Variants in MPP7 observed in about 807,000 individuals in gnomAD.
MPP7 encodes MAGUK p55 scaffold protein 7, also known as MAGUK p55 subfamily member 7.
MPP7 carries 60 observed loss-of-function variants against 76.5 expected under a neutral mutation model. The ratio of observed to expected loss-of-function variants is 0.78; its 90% CI spans 0.64 to 0.97. The LOEUF (loss-of-function observed/expected upper bound fraction) is 0.97, where lower values mean the gene tolerates loss of function less well. MPP7 is among the 50% of genes least tolerant of loss of function. The pLI is 0.00. For missense variants in MPP7, 641 were observed against 694.0 expected (o/e 0.92, Z 0.86); for synonymous variants, 237 against 244.5 (o/e 0.97, Z 0.29).
intron 3 of MPP7, among the ~76,000 whole-genome samples, chr10:28,156,533 A>C (rs932054427): frequency 2.0e-5 from 3 of 152,228 alleles, no homozygotes; most frequent in Admixed American, 6.5e-5. Context: ...CTTCAAAAAC[A>C]GTCCAAGTAA....
At position 28,056,739 on chromosome 10, in the gene MPP7, A is replaced by T. The variant is rs577679035; in HGVS notation, c.1408-116T>A. 99 of 772,482 alleles carry T rather than the reference A, an allele frequency of 1.3e-4. No homozygotes were observed. The East Asian group carries it at 2.9e-3, about 23-fold the overall frequency. The allele number at this position is 772,482 out of a possible 1,614,324, so 47.9% of individuals were successfully genotyped here. ...TTCTTTAAGGTCAGTAGTCATTTCA[A>T]TATATTATTATTCAATTAACTGTTG... On this transcript the variant is annotated intron_variant, in intron 15 of 16. Transcript: ENST00000683449.
chr10:28,083,263 A>C (rs1852846668), intron 12 of MPP7, among the ~76,000 whole-genome samples: 1 of 152,238 alleles, frequency 6.6e-6, no homozygotes, highest in Admixed American at 6.5e-5. Context: ...AATACAAAGA[A>C]GAAAGCAAAT....
intron 11 of MPP7, among the ~76,000 whole-genome samples, chr10:28,098,081 ATT>A (rs1360760689): frequency 3.3e-5 from 5 of 152,166 alleles, no homozygotes; most frequent in Admixed American, 6.5e-5. Context: ...ATTAAGAATC[ATT>A]TGTTATTAAA....
chr10:28,315,172 G>A (rs552633599), intron 2 of MPP7, among the ~76,000 whole-genome samples: 57 of 133,168 alleles, frequency 4.3e-4, no homozygotes, highest in African/African-American at 1.4e-3. Context: ...GAGAGAGAGA[G>A]AAAAACAAAG....
chr10:28,211,456 TATATATAG>T (rs895752739), intron 2 of MPP7, among the ~76,000 whole-genome samples: 15 of 149,064 alleles, frequency 1.0e-4, no homozygotes, highest in African/African-American at 3.7e-4. Context: ...TATATATATA[TATATATAG>T]AGAGAGAGAG....
intron 1 of MPP7, among the ~76,000 whole-genome samples, chr10:28,270,532 AG>A (rs71391026): frequency 0.065 from 1,000 of 15,476 alleles, 26 homozygotes; most frequent in African/African-American, 0.24. Context: ...AAAAAAAAAA[AG>A]GGGGGGGGGG....
chr10:28,154,468 G>GC (rs113812866), intron 3 of MPP7, among the ~76,000 whole-genome samples: 22 of 152,248 alleles, frequency 1.4e-4, no homozygotes, highest in African/African-American at 5.3e-4. Context: ...CAGGGTGTTT[G>GC]CAACATCTCT....
intron 3 of MPP7, among the ~76,000 whole-genome samples, chr10:28,167,256 A>G (rs1304395374): frequency 1.3e-5 from 2 of 152,090 alleles, no homozygotes; most frequent in Non-Finnish European, 2.9e-5. Context: ...GGTTGCAGTG[A>G]GCCGAGACGG....
chr10:28,211,753 T>C (rs1002566564), intron 2 of MPP7, among the ~76,000 whole-genome samples: 2 of 151,976 alleles, frequency 1.3e-5, no homozygotes, highest in Non-Finnish European at 2.9e-5. Flanking sequence ...TACTTTTAAC[T>C]GAGGAAGATG....
At chr10:28,081,259 T>C (rs954319127) in intron 12 of MPP7, among the ~76,000 whole-genome samples, 3 of 152,264 alleles carry the variant, frequency 2.0e-5, no homozygotes, top group Non-Finnish European at 4.4e-5. Flanking sequence ...AAAAGTGTTT[T>C]AGTTGCTTTT....
chr10:28,084,338 G>A (rs960138267), intron 12 of MPP7, among the ~76,000 whole-genome samples: 2 of 152,180 alleles, frequency 1.3e-5, no homozygotes, highest in Non-Finnish European at 2.9e-5. Context: ...GAGCAACAAG[G>A]CTTCTCCCTG....
chr10:28,286,119 C>T (rs1044352247), intron 1 of MPP7, among the ~76,000 whole-genome samples: 3 of 151,916 alleles, frequency 2.0e-5, no homozygotes, highest in Non-Finnish European at 2.9e-5. Flanking sequence ...CCGAGGTGGG[C>T]GGATCACAAG....
chr10:28,181,338 A>G (rs1415972858), intron 3 of MPP7, among the ~76,000 whole-genome samples: 1 of 152,212 alleles, frequency 6.6e-6, no homozygotes, highest in Non-Finnish European at 1.5e-5. Context: ...TATTTTATTG[A>G]CATGCAGAAA....
At chr10:28,056,094 G>A (rs572505373) in intron 16 of MPP7, among the ~76,000 whole-genome samples, 4 of 152,082 alleles carry the variant, frequency 2.6e-5, no homozygotes, top group African/African-American at 7.2e-5. Context: ...GGTTGTTGTT[G>A]AGACAGGGTC....
At chr10:28,296,024 A>C (rs1370608198) in intron 1 of MPP7, among the ~76,000 whole-genome samples, 1 of 152,218 alleles carries the variant, frequency 6.6e-6, no homozygotes, top group Non-Finnish European at 1.5e-5. Context: ...TAATTTTATA[A>C]ATTTCAGGTT....
chr10:28,097,826 C>T (rs578017056), intron 11 of MPP7, among the ~76,000 whole-genome samples: 1 of 152,236 alleles, frequency 6.6e-6, no homozygotes, highest in Non-Finnish European at 1.5e-5. Context: ...CATTGGCTCC[C>T]AACCACTAGG....
intron 3 of MPP7, among the ~76,000 whole-genome samples, chr10:28,164,268 G>C (rs1836368652): frequency 6.6e-6 from 1 of 152,140 alleles, no homozygotes; most frequent in East Asian, 1.9e-4. Flanking sequence ...GAGAGGGGAG[G>C]GAGAGGGATA....
intron 3 of MPP7, among the ~76,000 whole-genome samples, chr10:28,194,162 G>A (rs954160938): frequency 1.3e-5 from 2 of 152,106 alleles, no homozygotes; most frequent in Non-Finnish European, 2.9e-5. Context: ...CTACAGGCGC[G>A]TGCCACCACA....
At chr10:28,244,270 T>G (rs879626200) in intron 1 of MPP7, among the ~76,000 whole-genome samples, 1 of 152,172 alleles carries the variant, frequency 6.6e-6, no homozygotes, top group Non-Finnish European at 1.5e-5. Flanking sequence ...ATTTATACAT[T>G]CAAAAAGAAA....
Sources: gnomAD v4.1 joint callset for allele counts (sites outside exome capture counted in the v4.1 genomes callset) on GRCh38, gnomAD v4.1.1 for gene constraint, MANE v1.5 for transcripts, NCBI Gene and HGNC (gene_info 2026-07-23, HGNC 2026-07-21) for gene names.